PCBD2: variants seen among roughly 807,000 people sequenced by gnomAD.
The protein encoded by PCBD2 is pterin-4-alpha-carbinolamine dehydratase 2.
A neutral mutation model predicts 16.4 loss-of-function variants in PCBD2; 12 were observed. That is an observed-to-expected ratio of 0.73 (90% CI 0.47 to 1.19). The LOEUF is 1.19. Among genes scored for constraint, PCBD2 ranks in the 50% most tolerant of loss-of-function variants. PCBD2 has a pLI of 0.00. For missense variants in PCBD2, 138 were observed against 156.8 expected (o/e 0.88, Z 0.64); for synonymous variants, 58 against 61.8 (o/e 0.94, Z 0.29).
chr5:134,935,878 A>G (rs965068498), intron 2 of PCBD2, among the ~76,000 whole-genome samples: 6 of 152,170 alleles, frequency 3.9e-5, no homozygotes, highest in Non-Finnish European at 7.3e-5. Flanking sequence ...CCTGAGTGGA[A>G]ATGCCTGCTT....
intron 2 of PCBD2, among the ~76,000 whole-genome samples, chr5:134,929,799 C>T (rs559527710): frequency 6.6e-5 from 10 of 152,230 alleles, no homozygotes; most frequent in South Asian, 4.1e-4. Context: ...TCAAGTGATC[C>T]GCCTGCCTCA....
At chr5:134,959,728 G>T (rs1751454171) in intron 3 of PCBD2, among the ~76,000 whole-genome samples, 1 of 152,004 alleles carries the variant, frequency 6.6e-6, no homozygotes, top group Admixed American at 6.6e-5. Context: ...ATACTCACGT[G>T]ACTTAATAGA....
At position 134,926,411 on chromosome 5, in the gene PCBD2, G is replaced by A. The variant is rs181505765; in HGVS notation, c.216+15945G>A. ...TTAATGAGGGTGGTAAGGATAGGGG[G>A]AATTAAGGAAGTTAGGGCTAGGGTG... is the stretch of plus-strand genomic sequence containing the variant. On this transcript the variant is annotated intron_variant, in intron 2 of 3. Coordinates refer to ENST00000254908, the MANE Select transcript of PCBD2 (RefSeq NM_032151.5). 1,667 of 390,090 alleles carry A rather than the reference G, an allele frequency of 4.3e-3. 23 individuals are homozygous for A. Among genetic ancestry groups the A allele is most frequent in the African/African-American group, 0.031 (1,499 of 48,482 alleles). The allele number at this position is 390,090 out of a possible 1,614,324, so 24.2% of individuals were successfully genotyped here.
At chr5:134,907,284 G>T (rs1429939127) in intron 1 of PCBD2, among the ~76,000 whole-genome samples, 2 of 152,178 alleles carry the variant, frequency 1.3e-5, no homozygotes, top group African/African-American at 4.8e-5. Context: ...TCGCTCTGTT[G>T]CCCAGACTGG....
At chr5:134,932,140 C>A (rs189625483) in intron 2 of PCBD2, among the ~76,000 whole-genome samples, 19 of 152,166 alleles carry the variant, frequency 1.2e-4, no homozygotes, top group Admixed American at 1.2e-3. Flanking sequence ...GAAGAGAGGG[C>A]CATTTTAATT....
rs530872851 is a variant in PCBD2 at position 134,939,574 on chromosome 5, C to G, written c.217-19466C>G. Among the ~76,000 whole-genome samples the G allele has an allele frequency of 4.6e-5, 7 of 152,232 alleles. No homozygotes were observed. The East Asian group carries it at 1.3e-3, about 29-fold the overall frequency. On this transcript the variant is annotated intron_variant, in intron 2 of 3. Coordinates refer to ENST00000254908, the MANE Select transcript of PCBD2 (RefSeq NM_032151.5). ...GTAGCATCTACCATGTACAGACAAC[C>G]TCCATTCTTAAAACTTTAAATGCAT...
chr5:134,932,142 A>G (rs1485070759), intron 2 of PCBD2, among the ~76,000 whole-genome samples: 1 of 152,198 alleles, frequency 6.6e-6, no homozygotes, highest in Non-Finnish European at 1.5e-5. Flanking sequence ...AGAGAGGGCC[A>G]TTTTAATTCT....
intron 2 of PCBD2, among the ~76,000 whole-genome samples, chr5:134,951,103 G>A (rs537317992): frequency 3.3e-5 from 5 of 152,068 alleles, no homozygotes; most frequent in Non-Finnish European, 7.4e-5. Context: ...AATTCAAAAG[G>A]TACCAAAGAA....
intron 2 of PCBD2, among the ~76,000 whole-genome samples, chr5:134,922,741 C>T (rs571834506): frequency 9.5e-4 from 144 of 151,562 alleles, no homozygotes; most frequent in African/African-American, 3.4e-3. Flanking sequence ...GGGCTCACTG[C>T]AAGCTCCGCC....
At chr5:134,921,361 G>A (rs1750901388) in intron 2 of PCBD2, among the ~76,000 whole-genome samples, 2 of 152,174 alleles carry the variant, frequency 1.3e-5, no homozygotes, top group Admixed American at 6.5e-5. Flanking sequence ...CTTCAGGGTG[G>A]CTGCTGCCTG....
intron 2 of PCBD2, among the ~76,000 whole-genome samples, chr5:134,913,527 G>A (rs187771296): frequency 2.0e-5 from 3 of 152,328 alleles, no homozygotes; most frequent in South Asian, 2.1e-4. Context: ...AAGGGTCAGA[G>A]CATGGGGGCC....
chr5:134,947,389 A>AT (rs1220114582), intron 2 of PCBD2, among the ~76,000 whole-genome samples: 49,792 of 103,114 alleles, frequency 0.48, 14,098 homozygotes, highest in East Asian at 0.75. Flanking sequence ...CCCGGCCTCA[A>AT]TTTTTTTTTT....
chr5:134,905,475 C>T (rs1580874020), intron 1 of PCBD2: 1 of 355,402 alleles, frequency 2.8e-6, no homozygotes, highest in Non-Finnish European at 5.0e-6. Flanking sequence ...ACTTGCCAAC[C>T]GGAAACAAAT....
Position 134,960,806 on chromosome 5 carries a change from G to T in PCBD2, c.*125G>T. 2.6e-6 allele frequency: 2 copies of T among 780,834 alleles called. No individual in the cohort carries two copies. The highest frequency in any genetic ancestry group is 4.1e-6 in the Non-Finnish European group (2 of 490,408). The allele number at this position is 780,834 out of a possible 1,614,324, so 48.4% of individuals were successfully genotyped here. The stretch of plus-strand genomic sequence containing the variant: ...TTTTAAGACAGAGTGTTGCTCTGTC[G>T]CCCAGGCCAGAGTGCAGTGGTATGA... On this transcript the variant is annotated 3_prime_UTR_variant, in exon 4 of 4. Coordinates refer to ENST00000254908, the MANE Select transcript of PCBD2 (RefSeq NM_032151.5).
At chr5:134,905,444 C>A in intron 1 of PCBD2, 1 of 376,424 alleles carries the variant, frequency 2.7e-6, no homozygotes, top group Non-Finnish European at 4.7e-6. Context: ...CTTGACTTTA[C>A]ACTTCCGCCG....
chr5:134,954,501 C>A lies in PCBD2; in HGVS notation c.217-4539C>A, dbSNP rs559413191. 6.6e-5 allele frequency among the ~76,000 whole-genome samples: 10 copies of A among 152,280 alleles called. No individual in the cohort carries two copies. The South Asian group carries it at 1.0e-3, about 16-fold the overall frequency. On this transcript the variant is annotated intron_variant, in intron 2 of 3. Coordinates refer to ENST00000254908, the MANE Select transcript of PCBD2 (RefSeq NM_032151.5). The stretch of plus-strand genomic sequence containing the variant: ...TGCTAATACCTTTGGTATAGTTTCT[C>A]CATTCATCTCTTAGTTACTTATAGT...
At chr5:134,921,586 G>A (rs1750904153) in intron 2 of PCBD2, among the ~76,000 whole-genome samples, 1 of 152,118 alleles carries the variant, frequency 6.6e-6, no homozygotes, top group African/African-American at 2.4e-5. Context: ...TCCTGGGGTA[G>A]CTTTCCCACC....
intron 2 of PCBD2, among the ~76,000 whole-genome samples, chr5:134,928,703 C>T (rs548031361): frequency 4.6e-5 from 7 of 152,186 alleles, no homozygotes; most frequent in South Asian, 4.2e-4. Flanking sequence ...GGCGTGGTGG[C>T]GGGCGCCTGT....
chr5:134,925,851 G>T, intron 2 of PCBD2: 6 of 394,226 alleles, frequency 1.5e-5, no homozygotes, highest in Non-Finnish European at 2.2e-5. Flanking sequence ...TAGCACTTAG[G>T]AGGGTTATTT....
Sources: allele counts gnomAD v4.1 joint callset (sites outside exome capture counted in the v4.1 genomes callset), GRCh38; gene constraint gnomAD v4.1.1; transcripts MANE v1.5; gene names NCBI Gene and HGNC (gene_info 2026-07-23, HGNC 2026-07-21).